CLCN4: variants seen among roughly 807,000 people sequenced by gnomAD.
CLCN4 encodes H(+)/Cl(-) exchange transporter 4.
In CLCN4, 1 loss-of-function variant was observed where a neutral mutation model predicts 41.7. The observed-to-expected ratio is 0.02, with a 90% CI of 0.01 to 0.11. CLCN4 has a LOEUF of 0.11. Ranked by LOEUF, CLCN4 falls within the 10% of genes least tolerant of loss-of-function variation. CLCN4 has a pLI of 1.00. For synonymous variants in CLCN4, 277 were observed against 285.8 expected (o/e 0.97, Z 0.31); for missense variants, 287 against 661.0 (o/e 0.43, Z 6.20).
intron 12 of CLCN4, among the ~76,000 whole-genome samples, chrX:10,229,311 G>T (rs1925064361): frequency 9.1e-6 from 1 of 110,241 alleles, no homozygotes; most frequent in Admixed American, 9.6e-5. Flanking sequence ...AGGAAACCTT[G>T]TTTAAAAACA....
rs1029380192 is a variant in CLCN4 at position 10,220,644 on chromosome X, T to C, written c.1976-17T>C. On this transcript the variant is annotated splice_polypyrimidine_tract_variant and intron_variant, in intron 11 of 12. Coordinates refer to ENST00000380833, the MANE Select transcript of CLCN4 (RefSeq NM_001830.4). ...GGGTTTTTGTGTGGCTCATTGTTCC[T>C]GCTCACCCCATTCTAGAGAACGCCA... 2.5e-6 allele frequency: 3 copies of C among 1,191,246 alleles called. No individual in the cohort carries two copies. Among genetic ancestry groups the C allele is most frequent in the Non-Finnish European group, 3.4e-6 (3 of 876,711 alleles).
At chrX:10,187,906 C>T (rs1395342968) in intron 4 of CLCN4, among the ~76,000 whole-genome samples, 1 of 111,724 alleles carries the variant, frequency 9.0e-6, no homozygotes, top group Non-Finnish European at 1.9e-5. Flanking sequence ...CTTACTATAC[C>T]GGATTTGACT....
chrX:10,185,859 G>A (rs1923795691), intron 3 of CLCN4, among the ~76,000 whole-genome samples: 1 of 111,727 alleles, frequency 9.0e-6, no homozygotes, highest in African/African-American at 3.3e-5. Flanking sequence ...CGGCCATGCT[G>A]GCGGTGGAGA....
intron 12 of CLCN4, among the ~76,000 whole-genome samples, chrX:10,228,388 A>C (rs1410278907): frequency 9.1e-6 from 1 of 110,296 alleles, no homozygotes; most frequent in Non-Finnish European, 1.9e-5. Flanking sequence ...AGGTACCGGG[A>C]GGACCTTTGA....
chrX:10,197,242 C>G (rs1385014706), intron 5 of CLCN4, among the ~76,000 whole-genome samples: 1 of 112,420 alleles, frequency 8.9e-6, no homozygotes, highest in Non-Finnish European at 1.9e-5. Flanking sequence ...ATAAATGGTT[C>G]AATGAATTAT....
intron 4 of CLCN4, among the ~76,000 whole-genome samples, chrX:10,194,134 A>G (rs978120678): frequency 2.0e-4 from 22 of 110,244 alleles, no homozygotes; most frequent in Non-Finnish European, 3.8e-4. Context: ...GTGAGTGCTG[A>G]TGCCAGGTGT....
At chrX:10,205,427 C>G (rs866101894) in intron 6 of CLCN4, among the ~76,000 whole-genome samples, 4 of 100,219 alleles carry the variant, frequency 4.0e-5, no homozygotes, top group African/African-American at 1.5e-4. Context: ...GAGCCGAGAC[C>G]GCACCACTGC....
At chrX:10,194,864 C>T (rs373563349) in intron 4 of CLCN4, 47 bp from the exon 5 acceptor site, 49 of 1,166,580 alleles carry the variant, frequency 4.2e-5, no homozygotes, top group Non-Finnish European at 4.9e-5. Flanking sequence ...TCATTCTTGT[C>T]GCATCATGGG....
intron 11 of CLCN4, among the ~76,000 whole-genome samples, chrX:10,215,679 A>G (rs1002145339): frequency 8.9e-6 from 1 of 112,263 alleles, no homozygotes; most frequent in Non-Finnish European, 1.9e-5. Flanking sequence ...CACAGAATCT[A>G]TTATCTATTG....
intron 2 of CLCN4, among the ~76,000 whole-genome samples, chrX:10,167,335 A>G (rs1923278078): frequency 8.9e-6 from 1 of 111,965 alleles, no homozygotes; most frequent in South Asian, 3.7e-4. Context: ...CCCGCATTTT[A>G]AAAGCAAGAC....
At chrX:10,169,424 CAGG>C (rs768233688) in intron 2 of CLCN4, among the ~76,000 whole-genome samples, 1 of 111,167 alleles carries the variant, frequency 9.0e-6, no homozygotes, top group East Asian at 2.8e-4. Context: ...GGCTGGATAT[CAGG>C]AGGACACCTG....
intron 10 of CLCN4, among the ~76,000 whole-genome samples, chrX:10,213,278 C>T (rs941716039): frequency 8.9e-6 from 1 of 112,058 alleles, no homozygotes; most frequent in Non-Finnish European, 1.9e-5. Flanking sequence ...CATTCAGGGG[C>T]ACAAAGGTGG....
At chrX:10,199,532 G>T (rs974233589) in intron 6 of CLCN4, among the ~76,000 whole-genome samples, 12 of 111,323 alleles carry the variant, frequency 1.1e-4, no homozygotes, top group African/African-American at 3.9e-4. Context: ...GCGTAGATGG[G>T]TGTGGCACCC....
At position 10,237,420 on chromosome X, in the gene CLCN4, C is replaced by A. The variant is rs1311517966; in HGVS notation, c.*3836C>A. 9.0e-6 allele frequency: 1 copy of A among 111,624 alleles called. No homozygotes were observed. Among genetic ancestry groups the A allele is most frequent in the African/African-American group, 3.3e-5 (1 of 30,645 alleles). The allele number at this position is 111,624 out of a possible 1,213,427, so 9.2% of individuals were successfully genotyped here. A position where few individuals can be genotyped will look rare whatever the true frequency, so the allele number is the denominator to read the frequency against. Reference sequence around the variant, plus strand: ...TCTGACTTGGGAAACATTAAGCAGACCCTATTTTCACTGGCGCGGTAATAA... The same window carrying A: ...TCTGACTTGGGAAACATTAAGCAGAACCTATTTTCACTGGCGCGGTAATAA... On this transcript the variant is annotated 3_prime_UTR_variant, in exon 13 of 13. Transcript: ENST00000380833.
intron 11 of CLCN4, among the ~76,000 whole-genome samples, chrX:10,218,483 A>C (rs1209765149): frequency 8.9e-6 from 1 of 111,982 alleles, no homozygotes; most frequent in Non-Finnish European, 1.9e-5. Flanking sequence ...ATATTTCTTA[A>C]GTGTCCACCA....
intron 8 of CLCN4, 88 bp downstream of exon 8, chrX:10,206,864 G>T (rs945044027): frequency 9.4e-6 from 6 of 636,389 alleles, no homozygotes; most frequent in Non-Finnish European, 1.4e-5. Context: ...ATAAGATTCC[G>T]GCAGTTAATT....
rs1177896114 is a variant in CLCN4, at chrX:10,236,745, A to T, written c.*3161A>T. On this transcript the variant is annotated 3_prime_UTR_variant, in exon 13 of 13. Coordinates refer to ENST00000380833, the MANE Select transcript of CLCN4 (RefSeq NM_001830.4). ...AAGGTTTTTTTTTTTTTCCTCTTCC[A>T]GAACCAAAGGCTTTAGACATTTGTA... is the stretch of plus-strand genomic sequence containing the variant. 9.1e-6 allele frequency: 1 copy of T among 110,176 alleles called. No individual in the cohort carries two copies. The highest frequency in any genetic ancestry group is 1.9e-5 in the Non-Finnish European group (1 of 52,766). The allele number at this position is 110,176 out of a possible 1,213,427, so 9.1% of individuals were successfully genotyped here. A position where few individuals can be genotyped will look rare whatever the true frequency, so the allele number is the denominator to read the frequency against.
chrX:10,186,534 G>A (rs2147168102), intron 3 of CLCN4, among the ~76,000 whole-genome samples: 1 of 111,676 alleles, frequency 9.0e-6, no homozygotes, highest in South Asian at 3.8e-4. Context: ...GGGGGCTGGC[G>A]GTGAGGGGAG....
chrX:10,231,740 C>T (rs1433652589), intron 12 of CLCN4, among the ~76,000 whole-genome samples: 1 of 111,613 alleles, frequency 9.0e-6, no homozygotes, highest in Non-Finnish European at 1.9e-5. Context: ...AGCTCCATTG[C>T]TCGGATGAGG....
Sources: gnomAD v4.1 joint callset for allele counts (sites outside exome capture counted in the v4.1 genomes callset) on GRCh38, gnomAD v4.1.1 for gene constraint, MANE v1.5 for transcripts, NCBI Gene and HGNC (gene_info 2026-07-23, HGNC 2026-07-21) for gene names.